The following EXOC6B variants were observed in gnomAD, a reference collection of about 807,000 sequenced individuals.
EXOC6B encodes the protein SEC15 homolog B.
In EXOC6B, 54 loss-of-function variants were observed where a neutral mutation model predicts 113.5. That is an observed-to-expected ratio of 0.48 (90% confidence interval 0.38 to 0.60). EXOC6B has a LOEUF of 0.60. Ranked by LOEUF, EXOC6B falls within the 20% of genes least tolerant of loss-of-function variation. The pLI, the probability that EXOC6B is intolerant of heterozygous loss-of-function variation, is 0.00. For missense variants in EXOC6B, 797 were observed against 977.5 expected (o/e 0.82, Z 2.46); for synonymous variants, 357 against 339.0 (o/e 1.05, Z -0.58).
At chr2:72,251,987 T>C (rs1683050041) in intron 20 of EXOC6B, among the ~76,000 whole-genome samples, 1 of 152,178 alleles carries the variant, frequency 6.6e-6, no homozygotes, top group South Asian at 2.1e-4. Flanking sequence ...GTCCCATCAT[T>C]TCTGCACTTA....
intron 19 of EXOC6B, among the ~76,000 whole-genome samples, chr2:72,335,548 GCACACACA>G (rs70963124): frequency 0.21 from 28,390 of 134,796 alleles, 4,496 homozygotes; most frequent in African/African-American, 0.46. Flanking sequence ...CTGCATTATT[GCACACACA>G]CACACACACA....
chr2:72,626,138 A>AT, intron 6 of EXOC6B, among the ~76,000 whole-genome samples: 1 of 152,112 alleles, frequency 6.6e-6, no homozygotes, highest in Non-Finnish European at 1.5e-5. Flanking sequence ...TTCAAAACTT[A>AT]TTTTTTCACA....
intron 18 of EXOC6B, among the ~76,000 whole-genome samples, chr2:72,401,646 C>CATATATATATATACATATATACAT (rs1693314459): frequency 9.7e-5 from 2 of 20,716 alleles, no homozygotes; most frequent in Admixed American, 7.3e-4. Context: ...TACATATATA[C>CATATATATATATACATATATACAT]ATATATATAT....
chr2:72,466,716 A>G (rs957307219), intron 17 of EXOC6B, among the ~76,000 whole-genome samples: 3 of 152,228 alleles, frequency 2.0e-5, no homozygotes, highest in East Asian at 3.8e-4. Context: ...TTTTTGAAAT[A>G]TGTATACACT....
intron 6 of EXOC6B, among the ~76,000 whole-genome samples, chr2:72,700,852 G>A (rs1036583602): frequency 6.6e-6 from 1 of 152,186 alleles, no homozygotes; most frequent in Non-Finnish European, 1.5e-5. Context: ...TCGGGAGGCT[G>A]AGGCAAGAGA....
rs144394816 is a variant in EXOC6B, at chr2:72,767,561, A to G, written c.114-26092T>C. 3.5e-3 allele frequency among the ~76,000 whole-genome samples: 537 copies of G among 151,422 alleles called. 8 individuals carry two copies. The highest frequency in any genetic ancestry group is 0.021 in the Middle Eastern group (6 of 290). On this transcript the variant is annotated intron_variant, in intron 1 of 21. Transcript: ENST00000272427. ...ACAGTGGCTCACGCTTGCAATCCCA[A>G]CACTTTGGGAGGCGAGGCCGGCGGA... is the stretch of plus-strand genomic sequence containing the variant.
At chr2:72,375,830 T>C (rs1413096611) in intron 19 of EXOC6B, among the ~76,000 whole-genome samples, 1 of 152,164 alleles carries the variant, frequency 6.6e-6, no homozygotes, top group African/African-American at 2.4e-5. Context: ...AGCTAGAAAT[T>C]AGCTAGGCAT....
At chr2:72,740,943 G>C (rs758674880) in intron 2 of EXOC6B, among the ~76,000 whole-genome samples, 1 of 151,342 alleles carries the variant, frequency 6.6e-6, no homozygotes, top group Non-Finnish European at 1.5e-5. Context: ...TCTACTAAAA[G>C]TACAAAAAAA....
chr2:72,426,355 T>G (rs1695196004), intron 18 of EXOC6B, among the ~76,000 whole-genome samples: 2 of 152,262 alleles, frequency 1.3e-5, no homozygotes. Flanking sequence ...TTGAGAGTGT[T>G]GAAAATTTTT....
chr2:72,235,653 G>A (rs578213593), intron 20 of EXOC6B, among the ~76,000 whole-genome samples: 1 of 152,272 alleles, frequency 6.6e-6, no homozygotes, highest in African/African-American at 2.4e-5. Flanking sequence ...ATAGGTGTAT[G>A]GGACTTTCCC....
chr2:72,179,599 G>C, intron 21 of EXOC6B, 138 bp from the exon 22 acceptor site: 1 of 982,356 alleles, frequency 1.0e-6, no homozygotes, highest in South Asian at 1.5e-5. Context: ...TCCACTGTCA[G>C]GCCCACACTC....
intron 18 of EXOC6B, among the ~76,000 whole-genome samples, chr2:72,415,246 C>T (rs1005916365): frequency 3.3e-5 from 5 of 151,902 alleles, no homozygotes; most frequent in Admixed American, 6.6e-5. Flanking sequence ...GATGCCTTTA[C>T]GTCAGTCTCT....
chr2:72,416,600 T>C (rs1694539549), intron 18 of EXOC6B, among the ~76,000 whole-genome samples: 1 of 152,200 alleles, frequency 6.6e-6, no homozygotes, highest in South Asian at 2.1e-4. Context: ...TGGGAAACAT[T>C]CTTTAATTGG....
chr2:72,320,779 T>C (rs116104061), intron 20 of EXOC6B, among the ~76,000 whole-genome samples: 55 of 152,270 alleles, frequency 3.6e-4, no homozygotes, highest in Middle Eastern at 3.4e-3. Context: ...AAAGATACTG[T>C]TAAGGAAATG....
At chr2:72,609,795 T>C (rs2104075598) in intron 6 of EXOC6B, among the ~76,000 whole-genome samples, 1 of 152,118 alleles carries the variant, frequency 6.6e-6, no homozygotes, top group Non-Finnish European at 1.5e-5. Flanking sequence ...CTAATGCACA[T>C]GCACACACAC....
Position 72,780,546 on chromosome 2 carries a change from A to G in EXOC6B, c.114-39077T>C, listed in dbSNP as rs192418550. ...TTTATCTAAATCTTGAAGAGTTGCT[A>G]TGTACTCTTAGCTGCATTCATGTAA... On this transcript the variant is annotated intron_variant, in intron 1 of 21. Transcript: ENST00000272427. Among the ~76,000 whole-genome samples the G allele has an allele frequency of 6.8e-4, 103 of 152,284 alleles. 1 individual carries two copies. Among genetic ancestry groups the G allele is most frequent in the Admixed American group, 1.3e-3 (20 of 15,286 alleles).
In EXOC6B at chr2:72,795,451, C is replaced by T. The variant is rs184921301; in HGVS notation, c.113+30347G>A. Reference sequence around the variant, plus strand: ...ATTAGCCGGGCGTTGTGACGGGCGCCTGTAGTCCCAGCTACTCAGGAGGCT... The same window carrying T: ...ATTAGCCGGGCGTTGTGACGGGCGCTTGTAGTCCCAGCTACTCAGGAGGCT... On this transcript the variant is annotated intron_variant, in intron 1 of 21. Transcript: ENST00000272427. Among the ~76,000 whole-genome samples the T allele has an allele frequency of 4.6e-3, 706 of 152,274 alleles. 3 individuals carry two copies. Among genetic ancestry groups the T allele is most frequent in the Non-Finnish European group, 7.3e-3 (498 of 68,016 alleles).
chr2:72,702,286 G>GT (rs1678422130), intron 6 of EXOC6B, among the ~76,000 whole-genome samples: 1 of 149,828 alleles, frequency 6.7e-6, no homozygotes. Flanking sequence ...ATTCCATGGT[G>GT]TATATGTGCC....
chr2:72,407,442 T>C (rs1165167922), intron 18 of EXOC6B, among the ~76,000 whole-genome samples: 2 of 152,224 alleles, frequency 1.3e-5, no homozygotes, highest in East Asian at 1.9e-4. Flanking sequence ...ATATCCCTGA[T>C]GAACATCGAT....
Sources: allele counts gnomAD v4.1 joint callset (sites outside exome capture counted in the v4.1 genomes callset), GRCh38; gene constraint gnomAD v4.1.1; transcripts MANE v1.5; gene names NCBI Gene and HGNC (gene_info 2026-07-23, HGNC 2026-07-21).